Variants in MALRD1 observed in about 807,000 individuals in gnomAD.
MALRD1 encodes the protein MAM and LDL receptor class A domain containing 1.
A neutral mutation model predicts 242.1 loss-of-function variants in MALRD1; 247 were observed. That is an observed-to-expected ratio of 1.02 (90% CI 0.92 to 1.13). MALRD1 has a LOEUF of 1.13. Ranked by LOEUF, MALRD1 falls within the 50% of genes most tolerant of loss-of-function variation. The pLI, the probability that MALRD1 is intolerant of heterozygous loss-of-function variation, is 0.00. For synonymous variants in MALRD1, 995 were observed against 866.6 expected (o/e 1.15, Z -2.60); for missense variants, 2,989 against 2,533.1 (o/e 1.18, Z -3.86).
At chr10:19,590,829 A>G (rs981529775) in intron 33 of MALRD1, among the ~76,000 whole-genome samples, 1 of 152,108 alleles carries the variant, frequency 6.6e-6, no homozygotes, top group African/African-American at 2.4e-5. Context: ...CTTCCCTGCT[A>G]TTAACATTCT....
In MALRD1 at chr10:19,163,417, C is replaced by G. The variant is rs768958312; in HGVS notation, c.1657-2220C>G. Among the ~76,000 whole-genome samples the G allele has an allele frequency of 4.0e-5, 6 of 150,558 alleles. No individual in the cohort carries two copies. In the Admixed American group the frequency reaches 4.0e-4, roughly 10 times the overall value. ...AACACAGGAAAAGGAAACCAAATAC[C>G]GCACGTTCTCACTTGCAAGTTGGGA... On this transcript the variant is annotated intron_variant, in intron 12 of 39. Transcript: ENST00000454679.
chr10:19,678,120 GCTTT>G (rs1842211826), intron 36 of MALRD1, among the ~76,000 whole-genome samples: 1 of 151,832 alleles, frequency 6.6e-6, no homozygotes, highest in Non-Finnish European at 1.5e-5. Flanking sequence ...CCAGTTTTGT[GCTTT>G]TATCTTAGGA....
chr10:19,486,949 T>G (rs1837262658), intron 29 of MALRD1, among the ~76,000 whole-genome samples: 1 of 152,200 alleles, frequency 6.6e-6, no homozygotes, highest in East Asian at 1.9e-4. Context: ...ATGTTCTTAC[T>G]GGATTAAATT....
At chr10:19,593,485 C>T (rs1837922883) in intron 33 of MALRD1, among the ~76,000 whole-genome samples, 1 of 152,132 alleles carries the variant, frequency 6.6e-6, no homozygotes, top group Non-Finnish European at 1.5e-5. Context: ...TCATACAACC[C>T]ATAAATAAAA....
chr10:19,423,422 A>T (rs1393350437), intron 28 of MALRD1, among the ~76,000 whole-genome samples: 2 of 152,168 alleles, frequency 1.3e-5, no homozygotes, highest in Non-Finnish European at 2.9e-5. Context: ...ATTAAATGAT[A>T]GGTAGATTAA....
Position 19,387,642 on chromosome 10 carries a change from G to C in MALRD1, c.4556G>C (p.Ser1519Thr), listed in dbSNP as rs778480923. 1.3e-6 allele frequency: 2 copies of C among 1,550,380 alleles called. No homozygotes were observed. The highest frequency in any genetic ancestry group is 3.9e-5 in the Admixed American group (2 of 50,972). Residue 1519 changes from serine to threonine, a missense_variant, in exon 27 of 40, where the codon AGC becomes ACC. Ser to Thr is a moderately conservative substitution (Grantham distance 58). Transcript: ENST00000454679. ...AATACTGATGAAAATGAGTGTGGTA[G>C]CTCCTGTACTTTTGAAAAAGGCTGG... Reference protein sequence around the residue: ...GDNTDENECGSSCTFEKGWCG... With the variant: ...GDNTDENECGTSCTFEKGWCG...
intron 14 of MALRD1, among the ~76,000 whole-genome samples, chr10:19,178,462 C>A (rs186778086): frequency 1.6e-4 from 24 of 152,186 alleles, no homozygotes; most frequent in African/African-American, 4.6e-4. Flanking sequence ...CAAAGGTTTA[C>A]CCAGACTACC....
intron 33 of MALRD1, among the ~76,000 whole-genome samples, chr10:19,582,435 A>C (rs1030349833): frequency 6.3e-4 from 92 of 145,026 alleles, no homozygotes; most frequent in African/African-American, 2.0e-3. Flanking sequence ...TCAGCTTTCT[A>C]CATATGGCTA....
intron 30 of MALRD1, among the ~76,000 whole-genome samples, chr10:19,497,887 T>A (rs992074961): frequency 6.6e-6 from 1 of 152,184 alleles, no homozygotes; most frequent in African/African-American, 2.4e-5. Context: ...ACAGTTATTA[T>A]CTATTAATTT....
At chr10:19,629,800 T>C (rs1281166042) in intron 36 of MALRD1, among the ~76,000 whole-genome samples, 1 of 152,180 alleles carries the variant, frequency 6.6e-6, no homozygotes, top group African/African-American at 2.4e-5. Context: ...CCAGTGGCCC[T>C]GGAACGGCTG....
At chr10:19,422,985 C>T (rs1310114050) in intron 28 of MALRD1, among the ~76,000 whole-genome samples, 4 of 152,106 alleles carry the variant, frequency 2.6e-5, no homozygotes, top group African/African-American at 9.7e-5. Context: ...TCCTACGAAG[C>T]GAGATTCTTA....
At chr10:19,589,171 G>T (rs768701192) in intron 33 of MALRD1, among the ~76,000 whole-genome samples, 1 of 152,012 alleles carries the variant, frequency 6.6e-6, no homozygotes. Context: ...AAGGGATATT[G>T]GTCCAAGATA....
At chr10:19,683,527 A>G (rs1055820117) in intron 36 of MALRD1, among the ~76,000 whole-genome samples, 3 of 152,220 alleles carry the variant, frequency 2.0e-5, no homozygotes, top group Non-Finnish European at 4.4e-5. Context: ...GCTAGAAAGC[A>G]GCAGAGTCTA....
intron 32 of MALRD1, among the ~76,000 whole-genome samples, chr10:19,545,144 A>G (rs1049985575): frequency 6.6e-6 from 1 of 152,156 alleles, no homozygotes; most frequent in Non-Finnish European, 1.5e-5. Context: ...TCTTCCCTCT[A>G]TGCAGGCATA....
chr10:19,298,792 A>C (rs1841822059), intron 21 of MALRD1, among the ~76,000 whole-genome samples: 1 of 152,014 alleles, frequency 6.6e-6, no homozygotes, highest in Non-Finnish European at 1.5e-5. Flanking sequence ...GCACAACTTT[A>C]ATCAGTTCAC....
intron 33 of MALRD1, among the ~76,000 whole-genome samples, chr10:19,585,916 T>A (rs1837368533): frequency 1.3e-5 from 2 of 152,328 alleles, no homozygotes; most frequent in Admixed American, 1.3e-4. Flanking sequence ...TTGGAGGCTT[T>A]GCTCGTTTCT....
intron 8 of MALRD1, among the ~76,000 whole-genome samples, chr10:19,133,088 A>C (rs1383739511): frequency 6.6e-6 from 1 of 151,986 alleles, no homozygotes; most frequent in East Asian, 1.9e-4. Flanking sequence ...ACAGGCACCC[A>C]CCACCACGCC....
At chr10:19,631,206 C>G (rs1777632773) in intron 36 of MALRD1, among the ~76,000 whole-genome samples, 1 of 152,142 alleles carries the variant, frequency 6.6e-6, no homozygotes, top group South Asian at 2.1e-4. Flanking sequence ...CATGTGTTCT[C>G]ATCATTTAGC....
At chr10:19,075,571 C>T (rs190025520) in intron 2 of MALRD1, among the ~76,000 whole-genome samples, 2 of 152,134 alleles carry the variant, frequency 1.3e-5, no homozygotes, top group African/African-American at 2.4e-5. Context: ...CCAGCAAAGA[C>T]GCAGGGATCT....
Sources: gnomAD v4.1 joint callset for allele counts (sites outside exome capture counted in the v4.1 genomes callset) on GRCh38, gnomAD v4.1.1 for gene constraint, MANE v1.5 for transcripts, NCBI Gene and HGNC (gene_info 2026-07-23, HGNC 2026-07-21) for gene names.